VMP1: variants seen among roughly 807,000 people sequenced by gnomAD.
VMP1 encodes the protein ectopic P-granules autophagy protein 3 homolog.
Under a neutral mutation model 56.0 loss-of-function variants are expected in VMP1, and 11 were observed. The observed-to-expected ratio is 0.20, with a 90% CI of 0.12 to 0.32. VMP1 has a LOEUF of 0.32. Ranked by LOEUF, VMP1 falls within the 10% of genes least tolerant of loss-of-function variation. VMP1 has a pLI of 1.00. For missense variants in VMP1, 296 were observed against 490.3 expected, an observed-to-expected ratio of 0.60 and a Z score of 3.74; for synonymous variants, 149 against 165.0, an observed-to-expected ratio of 0.90 and a Z score of 0.74.
chr17:59,760,359 G>T (rs1304926074), intron 5 of VMP1, among the ~76,000 whole-genome samples: 1 of 151,528 alleles, frequency 6.6e-6, no homozygotes, highest in Non-Finnish European at 1.5e-5. Context: ...GTACTGTTTT[G>T]AAATATATTT....
rs971742299 is a variant in VMP1, at chr17:59,745,322, T to G, written c.414+6375T>G. On this transcript the variant is annotated intron_variant, in intron 5 of 11. Transcript: ENST00000262291. ...TTAAATGAATTATCTCACTTAGGCCTCCCAAGAGCCAAGCTAGTCAATAAC... is the reference window on the plus strand; with the variant it reads ...TTAAATGAATTATCTCACTTAGGCCGCCCAAGAGCCAAGCTAGTCAATAAC... Among the ~76,000 whole-genome samples the G allele has an allele frequency of 3.3e-5, 5 of 152,196 alleles. No homozygotes were observed. In the South Asian group the frequency reaches 1.0e-3, roughly 31 times the overall value.
At chr17:59,832,638 G>C (rs1332967913) in intron 10 of VMP1, among the ~76,000 whole-genome samples, 1 of 151,602 alleles carries the variant, frequency 6.6e-6, no homozygotes, top group East Asian at 1.9e-4. Flanking sequence ...CTGTCGCCCA[G>C]GCTGGAGTGC....
chr17:59,777,681 G>A (rs749534606), intron 7 of VMP1, among the ~76,000 whole-genome samples: 8 of 152,170 alleles, frequency 5.3e-5, no homozygotes, highest in East Asian at 3.9e-4. Flanking sequence ...GGGTGTGGTC[G>A]TATGCGCCTG....
rs536532159 is a variant in VMP1, at chr17:59,800,872, G to T, written c.715-7924G>T. ...TGAGGTGGGCAGATCACGAGGTCAG[G>T]AGTTCGAGACCAGCCTGGCCAGCAT... On this transcript the variant is annotated intron_variant, in intron 7 of 11. Coordinates refer to ENST00000262291, the MANE Select transcript of VMP1 (RefSeq NM_030938.5). 2.4e-4 allele frequency among the ~76,000 whole-genome samples: 37 copies of T among 152,074 alleles called. 1 individual carries two copies. The highest frequency in any genetic ancestry group is 8.7e-4 in the African/African-American group (36 of 41,476).
At chr17:59,757,859 C>CTTTTTTTTTTTTTTTTTT (rs66605258) in intron 5 of VMP1, among the ~76,000 whole-genome samples, 1 of 91,254 alleles carries the variant, frequency 1.1e-5, no homozygotes, top group African/African-American at 4.2e-5. Flanking sequence ...TTATTTGCCA[C>CTTTTTTTTTTTTTTTTTT]TTTTTTTTTT....
chr17:59,829,499 G>A (rs1029124262), intron 10 of VMP1, among the ~76,000 whole-genome samples: 3 of 152,102 alleles, frequency 2.0e-5, no homozygotes, highest in Admixed American at 2.0e-4. Flanking sequence ...GTATTGGTTG[G>A]TCCCCAGGGA....
At chr17:59,714,157 G>A (rs1037488092) in intron 1 of VMP1, among the ~76,000 whole-genome samples, 2 of 151,664 alleles carry the variant, frequency 1.3e-5, no homozygotes, top group African/African-American at 2.4e-5. Context: ...TTTTATAGCC[G>A]TGGAAGCTGA....
At chr17:59,776,333 G>A (rs1392360257) in intron 7 of VMP1, among the ~76,000 whole-genome samples, 1 of 152,100 alleles carries the variant, frequency 6.6e-6, no homozygotes, top group Non-Finnish European at 1.5e-5. Flanking sequence ...GAAATAAAGA[G>A]CCATGAATAT....
intron 7 of VMP1, among the ~76,000 whole-genome samples, chr17:59,791,636 G>T (rs2037233711): frequency 6.9e-6 from 1 of 145,826 alleles, no homozygotes; most frequent in Non-Finnish European, 1.5e-5. Flanking sequence ...GGCTAATTTT[G>T]TATTTTTAGT....
chr17:59,826,638 A>C (rs2038653934), intron 10 of VMP1, among the ~76,000 whole-genome samples: 1 of 152,254 alleles, frequency 6.6e-6, no homozygotes, highest in African/African-American at 2.4e-5. Flanking sequence ...GATGCTTTAC[A>C]TAAATATTCA....
chr17:59,729,795 C>T (rs2034754672), intron 1 of VMP1: 2 of 151,028 alleles, frequency 1.3e-5, no homozygotes, highest in Admixed American at 1.3e-4. Flanking sequence ...AAGCGATTCT[C>T]CTGCCTCAGC....
intron 7 of VMP1, among the ~76,000 whole-genome samples, chr17:59,791,994 G>C (rs889230802): frequency 6.6e-6 from 1 of 152,054 alleles, no homozygotes; most frequent in Non-Finnish European, 1.5e-5. Flanking sequence ...TCTATTGGCC[G>C]GGTGCCATGG....
chr17:59,815,840 A>G (rs1274093229), intron 9 of VMP1, among the ~76,000 whole-genome samples: 6 of 134,798 alleles, frequency 4.5e-5, no homozygotes, highest in Non-Finnish European at 7.7e-5. Flanking sequence ...TGGGCAACAG[A>G]GCGAGACTCC....
At chr17:59,763,817 G>A (rs1012792533) in intron 5 of VMP1, among the ~76,000 whole-genome samples, 4 of 152,130 alleles carry the variant, frequency 2.6e-5, no homozygotes, top group Non-Finnish European at 5.9e-5. Context: ...GAAACCTTCA[G>A]ATTCAGAAAT....
rs1378493314 is a variant in VMP1 at position 59,792,879 on chromosome 17, T to TAATAATAATAATAATA, written c.715-15916_715-15915insATAATAATAATAATAA. 4.8e-3 allele frequency among the ~76,000 whole-genome samples: 322 copies of TAATAATAATAATAATA among 66,906 alleles called. 44 individuals carry two copies. The highest frequency in any genetic ancestry group is 6.6e-3 in the Middle Eastern group (1 of 152). The allele number at this position is 66,906 out of a possible 152,430, so 43.9% of individuals were successfully genotyped here. On this transcript the variant is annotated intron_variant, in intron 7 of 11. Coordinates refer to ENST00000262291, the MANE Select transcript of VMP1 (RefSeq NM_030938.5). ...AAATAATAATAATAATAATAATAATTATTATTATTATTATCAGATGAGTGG... is the reference window on the plus strand; with the variant it reads ...AAATAATAATAATAATAATAATAATTAATAATAATAATAATAATTATTATTATTATCAGATGAGTGG...
chr17:59,749,419 T>A (rs2035558226), intron 5 of VMP1, among the ~76,000 whole-genome samples: 1 of 152,030 alleles, frequency 6.6e-6, no homozygotes, highest in Non-Finnish European at 1.5e-5. Context: ...ACCTGCAGGC[T>A]TTGAATTTGA....
intron 3 of VMP1, among the ~76,000 whole-genome samples, chr17:59,736,560 A>G (rs181874358): frequency 1.3e-5 from 2 of 151,482 alleles, no homozygotes; most frequent in African/African-American, 2.4e-5. Context: ...CCTGGCCAAC[A>G]TGGTGAAACC....
At chr17:59,834,362 A>G (rs1688764959) in intron 10 of VMP1, among the ~76,000 whole-genome samples, 1 of 151,966 alleles carries the variant, frequency 6.6e-6, no homozygotes, top group Non-Finnish European at 1.5e-5. Context: ...TCCCAGGTTC[A>G]AGCGGATCCT....
chr17:59,725,938 G>A lies in VMP1; in HGVS notation c.-26-5483G>A, dbSNP rs1293979685. Among the ~76,000 whole-genome samples, 12 of 152,242 alleles carry A rather than the reference G, an allele frequency of 7.9e-5. No individual in the cohort carries two copies. The South Asian group carries it at 1.7e-3, about 21-fold the overall frequency. ...TGTGCAATACCATTGTTATAAGTAC[G>A]CACTCATAGACCCAAAATGTTTTGG... On this transcript the variant is annotated intron_variant, in intron 1 of 11. Coordinates refer to ENST00000262291, the MANE Select transcript of VMP1 (RefSeq NM_030938.5).
Sources: gnomAD v4.1 joint callset for allele counts (sites outside exome capture counted in the v4.1 genomes callset) on GRCh38, gnomAD v4.1.1 for gene constraint, MANE v1.5 for transcripts, NCBI Gene and HGNC (gene_info 2026-07-23, HGNC 2026-07-21) for gene names.